The following EVI5L variants were observed in gnomAD, a reference collection of about 807,000 sequenced individuals.
EVI5L encodes EVI5-like protein.
A neutral mutation model predicts 106.1 loss-of-function variants in EVI5L; 30 were observed. That is an observed-to-expected ratio of 0.28 (90% CI 0.21 to 0.38). The LOEUF (loss-of-function observed/expected upper bound fraction) is 0.38. Ranked by LOEUF, EVI5L falls within the 10% of genes least tolerant of loss-of-function variation. The pLI is 1.00. For synonymous variants in EVI5L, 489 were observed against 483.3 expected, an observed-to-expected ratio of 1.01 and a Z score of -0.15; for missense variants, 809 against 1,098.0, an observed-to-expected ratio of 0.74 and a Z score of 3.72.
At chr19:7,843,518 T>A (rs1160143060) in intron 1 of EVI5L, among the ~76,000 whole-genome samples, 4 of 143,824 alleles carry the variant, frequency 2.8e-5, no homozygotes, top group East Asian at 2.1e-4. Flanking sequence ...TGAGTGTGTG[T>A]GAGAATAGGC....
At chr19:7,846,803 A>T in intron 2 of EVI5L, 124 bp downstream of exon 2, 11 of 1,297,640 alleles carry the variant, frequency 8.5e-6, no homozygotes, top group Non-Finnish European at 1.1e-5. Flanking sequence ...CCACCTCCAG[A>T]TGCTGGATGA....
intron 14 of EVI5L, 118 bp from the exon 15 acceptor site, chr19:7,861,760 C>G: frequency 7.3e-7 from 1 of 1,365,518 alleles, no homozygotes; most frequent in Non-Finnish European, 9.8e-7. Context: ...GTCGCCCTCC[C>G]CCATCTGAGC....
chr19:7,841,036 G>A (rs534510469), intron 1 of EVI5L, among the ~76,000 whole-genome samples: 2 of 152,250 alleles, frequency 1.3e-5, no homozygotes, highest in African/African-American at 2.4e-5. Context: ...CCATCCTACC[G>A]TATTGTTTAC....
At position 7,848,345 on chromosome 19, in the gene EVI5L, C is replaced by G. The variant is rs936586234; in HGVS notation, c.327+424C>G. Among the ~76,000 whole-genome samples, 3 of 152,084 alleles carry G rather than the reference C, an allele frequency of 2.0e-5. No homozygotes were observed. Among genetic ancestry groups the G allele is most frequent in the Non-Finnish European group, 4.4e-5 (3 of 68,028 alleles). On this transcript the variant is annotated intron_variant, in intron 3 of 19. Transcript: ENST00000538904. The surrounding 1 kb of genome is among the most constrained non-coding windows in gnomAD (Gnocchi z 4.8). ...GGCGCAGTGGCTCACGCCTGTAATC[C>G]CAGTTCGTTGGAAGGTCGAGGCAGG...
At position 7,849,301 on chromosome 19, in the gene EVI5L, G is replaced by A. The variant is rs1036260750; in HGVS notation, c.598G>A (p.Ala200Thr). The A allele has an allele frequency of 5.0e-6, 8 of 1,614,062 alleles. No homozygotes were observed. The highest frequency in any genetic ancestry group is 4.0e-5 in the African/African-American group (3 of 74,954). The change falls in exon 5 of 20, where the codon GCC becomes ACC. Residue 200 changes from alanine (A) to threonine (T), a missense_variant. Ala to Thr is a moderately conservative substitution (Grantham distance 58). This residue lies in a region of EVI5L where 357 missense variants were observed against 588.1 expected (regional missense o/e 0.61). Coordinates refer to ENST00000538904, the MANE Select transcript of EVI5L (RefSeq NM_001159944.3). ...GGAGGTGGGCTACTGCCAGGGAAGC[G>A]CCTTCATCGTGGGCCTGCTCCTCAT... ...DREVGYCQGSAFIVGLLLMQM... is the reference protein window; with the variant it reads ...DREVGYCQGSTFIVGLLLMQM...
intron 10 of EVI5L, 92 bp downstream of exon 10, chr19:7,853,425 C>T: frequency 6.6e-7 from 1 of 1,508,642 alleles, no homozygotes; most frequent in Non-Finnish European, 9.0e-7. Flanking sequence ...GGGGGCGGGC[C>T]TTCCCAGCGC....
In EVI5L at chr19:7,850,777, G is replaced by C. The variant is rs1197979974; in HGVS notation, c.753+655G>C. On this transcript the variant is annotated intron_variant, in intron 6 of 19. Coordinates refer to ENST00000538904, the MANE Select transcript of EVI5L (RefSeq NM_001159944.3). The surrounding 1 kb of genome is among the most constrained non-coding windows in gnomAD (Gnocchi z 5.4). ...AGCAGGAGGCCTGGGCTGCAGAGAA[G>C]GCACCACCCCACCTCAGGCTGGGTA... Among the ~76,000 whole-genome samples the C allele has an allele frequency of 1.3e-5, 2 of 152,120 alleles. No homozygotes were observed. Among genetic ancestry groups the C allele is most frequent in the African/African-American group, 4.8e-5 (2 of 41,432 alleles).
At position 7,843,247 on chromosome 19, in the gene EVI5L, T is replaced by C. The variant is rs1978748114; in HGVS notation, c.-47-3249T>C. Among the ~76,000 whole-genome samples the C allele has an allele frequency of 2.7e-5, 4 of 149,650 alleles. No homozygotes were observed. The South Asian group carries it at 8.5e-4, about 32-fold the overall frequency. On this transcript the variant is annotated intron_variant, in intron 1 of 19. Coordinates refer to ENST00000538904, the MANE Select transcript of EVI5L (RefSeq NM_001159944.3). ...TGGGTGTGTGTCGAGTGTGTGCATG[T>C]GTGTATAGGTGTGTGTGAGAATAGG...
rs773323996 is a variant in EVI5L, at chr19:7,856,005, A to AC, written c.1147-5dup. On this transcript the variant is annotated splice_polypyrimidine_tract_variant and intron_variant, in intron 10 of 19. Coordinates refer to ENST00000538904, the MANE Select transcript of EVI5L (RefSeq NM_001159944.3). This position sits in a 1 kb window ranked among gnomAD's most constrained non-coding sequence, Gnocchi z 6.6. The stretch of plus-strand genomic sequence containing the variant: ...GCGGGCTATGACGTGATCTCCCCCC[A>AC]CCCCCATAGAGACTTCGGACGGAGA... 1 of 1,325,010 alleles carries AC rather than the reference A, an allele frequency of 7.5e-7. No individual in the cohort carries two copies. The highest frequency in any genetic ancestry group is 9.7e-7 in the Non-Finnish European group (1 of 1,028,136). 82.1% of individuals were successfully genotyped at this position (1,325,010 alleles called of 1,614,324 possible). A position where few individuals can be genotyped will look rare whatever the true frequency, so the allele number is the denominator to read the frequency against.
In EVI5L at chr19:7,862,138, G is replaced by C. The variant is rs753804333; in HGVS notation, c.1661G>C (p.Gly554Ala). 6.4e-7 allele frequency: 1 copy of C among 1,571,032 alleles called. No homozygotes were observed. The highest frequency in any genetic ancestry group is 8.6e-7 in the Non-Finnish European group (1 of 1,163,494). The part of the protein sequence containing the change: ...SDTWQAHLAR[G>A]GRWKESPRKL... ...ACCCCCCAGGCCCATCTGGCCCGCG[G>C]CGGCCGCTGGAAGGAGTCCCCACGG... Residue 554 changes from glycine to alanine, a missense_variant, in exon 16 of 20, where the codon GGC becomes GCC. Gly to Ala is a moderately conservative substitution (Grantham distance 60, BLOSUM62 0). Transcript: ENST00000538904.
At position 7,857,860 on chromosome 19, in the gene EVI5L, G is replaced by T; in HGVS notation, c.1234-331G>T. The T allele has an allele frequency of 3.1e-6, 1 of 317,730 alleles. No homozygotes were observed. Among genetic ancestry groups the T allele is most frequent in the Non-Finnish European group, 6.0e-6 (1 of 167,970 alleles). 19.7% of individuals were successfully genotyped at this position (317,730 alleles called of 1,614,324 possible). ...CACCCTCACCGGCAGAGTCTGGCAT[G>T]AATAGGCACAGGTGGCCTCGCTGTG... On this transcript the variant is annotated intron_variant, in intron 12 of 19. Transcript: ENST00000538904. The surrounding 1 kb of genome is among the most constrained non-coding windows in gnomAD (Gnocchi z 4.5).
chr19:7,847,703 G>T lies in EVI5L; in HGVS notation c.138-29G>T, dbSNP rs528561163. The T allele has an allele frequency of 1.9e-6, 3 of 1,602,490 alleles. No homozygotes were observed. The East Asian group carries it at 6.7e-5, about 36-fold the overall frequency. On this transcript the variant is annotated intron_variant, in intron 2 of 19. Transcript: ENST00000538904. ...GATCCCTGTCCCCAGGGAGTCACTG[G>T]TTCCCCTCTGTCGGCCCTTCCTGCC...
chr19:7,863,162 G>T lies in EVI5L; in HGVS notation c.2044-23G>T. The T allele has an allele frequency of 6.5e-7, 1 of 1,548,908 alleles. No individual in the cohort carries two copies. The highest frequency in any genetic ancestry group is 1.4e-5 in the African/African-American group (1 of 73,074). ...CCAGGCCCAGCATGGCACTGGCCCC[G>T]CGTGACCTGGCGCACCCCGCAGAGG... On this transcript the variant is annotated intron_variant, in intron 18 of 19. Transcript: ENST00000538904. The surrounding 1 kb of genome is among the most constrained non-coding windows in gnomAD (Gnocchi z 7.7).
Position 7,849,285 on chromosome 19 carries a change from C to A in EVI5L, c.582C>A (p.Gly194=), listed in dbSNP as rs1439162792. The change falls in exon 5 of 20, where the codon GGC becomes GGA. Residue 194 remains glycine (G), a synonymous_variant. Coordinates refer to ENST00000538904, the MANE Select transcript of EVI5L (RefSeq NM_001159944.3). ...ACTCGCTGGTAGACCGGGAGGTGGG[C>A]TACTGCCAGGGAAGCGCCTTCATCG... ...KAYSLVDREV[G]YCQGSAFIVG... 2 of 1,614,200 alleles carry A rather than the reference C, an allele frequency of 1.2e-6. No individual in the cohort carries two copies. Among genetic ancestry groups the A allele is most frequent in the Non-Finnish European group, 1.7e-6 (2 of 1,180,048 alleles).
rs188489515 is a variant in EVI5L at position 7,844,180 on chromosome 19, G to A, written c.-47-2316G>A. ...AGCCTGACCAACATGGTGAAACCCC[G>A]TCTCTACTAAAAATACAAAAATTAG... On this transcript the variant is annotated intron_variant, in intron 1 of 19. Coordinates refer to ENST00000538904, the MANE Select transcript of EVI5L (RefSeq NM_001159944.3). Among the ~76,000 whole-genome samples, 1,376 of 151,672 alleles carry A rather than the reference G, an allele frequency of 9.1e-3. 21 individuals carry two copies. Among genetic ancestry groups the A allele is most frequent in the South Asian group, 0.035 (167 of 4,806 alleles).
intron 14 of EVI5L, 22 bp downstream of exon 14, chr19:7,860,711 G>A: frequency 1.3e-6 from 2 of 1,560,902 alleles, no homozygotes; most frequent in Non-Finnish European, 1.7e-6. Flanking sequence ...AGGCAGACGG[G>A]CAGGTGTCGG....
intron 10 of EVI5L, 137 bp from the exon 11 acceptor site, chr19:7,855,878 C>T (rs1979493808): frequency 9.6e-6 from 6 of 626,626 alleles, no homozygotes; most frequent in Non-Finnish European, 1.4e-5. Flanking sequence ...TGACCCAGAA[C>T]GTAAGATGCT....
In EVI5L at chr19:7,862,106, C is replaced by T. The variant is rs1454439890; in HGVS notation, c.1645-16C>T. 6 of 1,557,924 alleles carry T rather than the reference C, an allele frequency of 3.9e-6. No homozygotes were observed. The highest frequency in any genetic ancestry group is 1.4e-5 in the African/African-American group (1 of 74,040). On this transcript the variant is annotated splice_polypyrimidine_tract_variant and intron_variant, in intron 15 of 19. Transcript: ENST00000538904. ...GGGCGGAGGCTGACCGCCGGCTTCTCGGCTTCACCCCCCAGGCCCATCTGG... is the reference window on the plus strand; with the variant it reads ...GGGCGGAGGCTGACCGCCGGCTTCTTGGCTTCACCCCCCAGGCCCATCTGG...
chr19:7,852,974 G>T, intron 8 of EVI5L, 112 bp from the exon 9 acceptor site: 1 of 979,640 alleles, frequency 1.0e-6, no homozygotes, highest in Non-Finnish European at 1.6e-6. Context: ...AGGACATGGC[G>T]ACACCCCGGG....
Sources: gnomAD v4.1 joint callset for allele counts (sites outside exome capture counted in the v4.1 genomes callset) on GRCh38, gnomAD v4.1.1 for gene constraint, gnomAD v4.1.1 regional missense constraint, Gnocchi (gnomAD v3.1) non-coding constraint, MANE v1.5 for transcripts, NCBI Gene and HGNC (gene_info 2026-07-23, HGNC 2026-07-21) for gene names.